STAB2: variants seen among roughly 807,000 people sequenced by gnomAD.
The protein encoded by STAB2 is stabilin 2.
A neutral mutation model predicts 338.1 loss-of-function variants in STAB2; 288 were observed. That is an observed-to-expected ratio of 0.85 (90% CI 0.77 to 0.94). STAB2 has a LOEUF of 0.94. Ranked by LOEUF, STAB2 falls within the 40% of genes least tolerant of loss-of-function variation. STAB2 has a pLI of 0.00. For missense variants in STAB2, 3,141 were observed against 3,210.1 expected (o/e 0.98, Z 0.52); for synonymous variants, 1,202 against 1,193.3 (o/e 1.01, Z -0.15).
chr12:103,763,987 C>CT (rs563715947), intron 68 of STAB2, among the ~76,000 whole-genome samples: 200 of 147,176 alleles, frequency 1.4e-3, no homozygotes, highest in Middle Eastern at 3.6e-3. Flanking sequence ...TTTAGATGTC[C>CT]TTTTTTTTTT....
intron 3 of STAB2, among the ~76,000 whole-genome samples, chr12:103,617,226 A>G (rs536345635): frequency 1.3e-5 from 2 of 152,030 alleles, no homozygotes; most frequent in Admixed American, 1.3e-4. Flanking sequence ...TAAATCCACA[A>G]CTCTCTCCGC....
rs897128375 is a variant in STAB2, at chr12:103,621,956, A to T, written c.418-86A>T. The stretch of plus-strand genomic sequence containing the variant: ...CACAGAGGGAAAATATATTTGAAAA[A>T]CAAATGCTGAGTTGGAAATCCAAGG... On this transcript the variant is annotated intron_variant, in intron 4 of 68. Coordinates refer to ENST00000388887, the MANE Select transcript of STAB2 (RefSeq NM_017564.10). 4.6e-6 allele frequency: 6 copies of T among 1,310,544 alleles called. No homozygotes were observed. In the African/African-American group the frequency reaches 8.8e-5, roughly 19 times the overall value. The allele number at this position is 1,310,544 out of a possible 1,614,324, so 81.2% of individuals were successfully genotyped here.
chr12:103,638,526 C>T (rs900820596), intron 8 of STAB2, among the ~76,000 whole-genome samples: 2 of 152,224 alleles, frequency 1.3e-5, no homozygotes, highest in African/African-American at 4.8e-5. Context: ...AACTGTTGAA[C>T]ATATGATTGA....
chr12:103,706,404 C>A (rs552720860), intron 37 of STAB2, among the ~76,000 whole-genome samples: 1 of 152,184 alleles, frequency 6.6e-6, no homozygotes, highest in South Asian at 2.1e-4. Flanking sequence ...CAGTAGTAGA[C>A]GAAATAACAT....
chr12:103,729,302 A>C (rs774902963), intron 48 of STAB2, among the ~76,000 whole-genome samples: 5 of 152,112 alleles, frequency 3.3e-5, no homozygotes, highest in Non-Finnish European at 1.5e-5. Context: ...CCCCCATGAC[A>C]CAAGTTTACC....
intron 4 of STAB2, among the ~76,000 whole-genome samples, chr12:103,621,320 T>TTTTTTTTTTTTTTTTTTTG (rs1565966251): frequency 1.3e-5 from 2 of 152,210 alleles, no homozygotes; most frequent in African/African-American, 2.4e-5. Flanking sequence ...GATTTTCTTT[T>TTTTTTTTTTTTTTTTTTTG]ACCAGTTGAA....
intron 17 of STAB2, among the ~76,000 whole-genome samples, chr12:103,661,960 A>C (rs1190011399): frequency 6.6e-6 from 1 of 152,158 alleles, no homozygotes; most frequent in African/African-American, 2.4e-5. Flanking sequence ...ACTTGGAATG[A>C]GAGGAGAAGC....
chr12:103,691,463 T>C (rs577721042), intron 30 of STAB2, among the ~76,000 whole-genome samples: 38 of 152,336 alleles, frequency 2.5e-4, no homozygotes, highest in African/African-American at 8.7e-4. Context: ...TCTGGTGACA[T>C]TGAAGTTATT....
chr12:103,705,700 C>A lies in STAB2; in HGVS notation c.3969C>A (p.Cys1323Ter). The A allele has an allele frequency of 6.2e-7, 1 of 1,614,104 alleles. No homozygotes were observed. Among genetic ancestry groups the A allele is most frequent in the Non-Finnish European group, 8.5e-7 (1 of 1,179,974 alleles). ...FMGRRTLFIG[C>*]QPKCVRTVIT... is the part of the protein sequence containing the mutation. ...GAAGACGAACCCTGTTTATTGGGTG[C>A]CAGCCAAAATGTGTGAGAACCGTCA... The change falls in exon 37 of 69, where the codon TGC (cysteine) becomes TGA (stop). Residue 1323 changes from cysteine (C) to a stop codon, truncating the protein, a stop_gained. Coordinates refer to ENST00000388887, the MANE Select transcript of STAB2 (RefSeq NM_017564.10). LOFTEE classifies it high-confidence loss of function.
intron 33 of STAB2, among the ~76,000 whole-genome samples, chr12:103,697,012 G>A (rs943031452): frequency 6.6e-6 from 1 of 152,168 alleles, no homozygotes; most frequent in Non-Finnish European, 1.5e-5. Flanking sequence ...TGAATTTTCA[G>A]CAAATAGGGA....
At chr12:103,730,999 G>A (rs868089206) in intron 49 of STAB2, among the ~76,000 whole-genome samples, 4 of 152,194 alleles carry the variant, frequency 2.6e-5, no homozygotes, top group South Asian at 4.1e-4. Context: ...GCAGTGAGCT[G>A]AGGGCAGTGA....
At chr12:103,698,890 A>G (rs1322206379) in intron 33 of STAB2, among the ~76,000 whole-genome samples, 1 of 152,200 alleles carries the variant, frequency 6.6e-6, no homozygotes, top group Non-Finnish European at 1.5e-5. Context: ...TGACTGTGCT[A>G]TCTGGAAAAT....
At chr12:103,665,229 G>C (rs1874970107) in intron 18 of STAB2, among the ~76,000 whole-genome samples, 1 of 152,214 alleles carries the variant, frequency 6.6e-6, no homozygotes, top group Admixed American at 6.5e-5. Flanking sequence ...GACTAGCAAA[G>C]AGTAGAAGCA....
intron 33 of STAB2, among the ~76,000 whole-genome samples, 190 bp from the exon 34 acceptor site, chr12:103,698,902 TGTAA>T (rs955561437): frequency 6.6e-6 from 1 of 152,238 alleles, no homozygotes; most frequent in Non-Finnish European, 1.5e-5. Flanking sequence ...CTGGAAAATT[TGTAA>T]GTTCTCTGAA....
At chr12:103,649,205 T>G (rs1046842659) in intron 10 of STAB2, among the ~76,000 whole-genome samples, 16 of 152,076 alleles carry the variant, frequency 1.1e-4, no homozygotes, top group Admixed American at 7.9e-4. Flanking sequence ...AAACTGGGAA[T>G]AGAGAGGGTG....
chr12:103,618,995 T>A (rs2138626153), intron 3 of STAB2, among the ~76,000 whole-genome samples: 1 of 152,354 alleles, frequency 6.6e-6, no homozygotes, highest in East Asian at 1.9e-4. Flanking sequence ...GCACATGCCC[T>A]CTTGCCTGCT....
At chr12:103,659,884 G>A (rs1874467368) in intron 15 of STAB2, among the ~76,000 whole-genome samples, 1 of 152,182 alleles carries the variant, frequency 6.6e-6, no homozygotes, top group African/African-American at 2.4e-5. Context: ...GTTTATTTAT[G>A]GAGCAAATGG....
chr12:103,753,343 A>G lies in STAB2; in HGVS notation c.6704A>G (p.Tyr2235Cys), dbSNP rs1180425068. 5.0e-6 allele frequency: 8 copies of G among 1,614,106 alleles called. No individual in the cohort carries two copies. Among genetic ancestry groups the G allele is most frequent in the African/African-American group, 1.3e-5 (1 of 74,936 alleles). Residue 2235 changes from tyrosine to cysteine, a missense_variant, in exon 61 of 69, where the codon TAT (tyrosine) becomes TGT (cysteine). Tyr to Cys is a radical substitution (Grantham distance 194). Transcript: ENST00000388887. ...ATMATYNQLS[Y>C]AQKAKYHLCS... is the part of the protein sequence containing the mutation. ...ATGGCAACCTACAACCAGCTCTCCT[A>G]TGCCCAGAAGGTGGGTCTTCAGTTA...
rs1209656211 is a variant in STAB2 at position 103,695,555 on chromosome 12, G to A, written c.3381G>A (p.Leu1127=). 1.9e-6 allele frequency: 3 copies of A among 1,614,038 alleles called. No homozygotes were observed. The highest frequency in any genetic ancestry group is 2.5e-6 in the Non-Finnish European group (3 of 1,180,000). ...NGVIHIINKV[L]VPQRRLTGSL... ...TCTGGGGTTTCTTTTTTCAGGTGCT[G>A]GTCCCACAAAGACGTCTAACTGGCT... is the stretch of plus-strand genomic sequence containing the variant. Residue 1127 remains leucine (L), a synonymous_variant, in exon 32 of 69, where the codon CTG becomes CTA. Coordinates refer to ENST00000388887, the MANE Select transcript of STAB2 (RefSeq NM_017564.10).
Sources: gnomAD v4.1 joint callset for allele counts (sites outside exome capture counted in the v4.1 genomes callset) on GRCh38, gnomAD v4.1.1 for gene constraint, MANE v1.5 for transcripts, NCBI Gene and HGNC (gene_info 2026-07-23, HGNC 2026-07-21) for gene names.